The following RPS6KC1 variants were observed in gnomAD, a reference collection of about 807,000 sequenced individuals.
The protein encoded by RPS6KC1 is ribosomal protein S6 kinase C1.
RPS6KC1 carries 54 observed loss-of-function variants against 103.8 expected under a neutral mutation model. The ratio of observed to expected loss-of-function variants is 0.52; its 90% CI spans 0.42 to 0.65. The LOEUF (loss-of-function observed/expected upper bound fraction) is 0.65. Ranked by LOEUF, RPS6KC1 falls within the 30% of genes least tolerant of loss-of-function variation. The pLI, the probability that RPS6KC1 is intolerant of heterozygous loss-of-function variation, is 0.00. For missense variants in RPS6KC1, 1,151 were observed against 1,253.8 expected (o/e 0.92, Z 1.24); for synonymous variants, 439 against 438.7 (o/e 1.00, Z -0.01).
the RPS6KC1 span, among the ~76,000 whole-genome samples, chr1:213,591,252 C>T: frequency 6.6e-6 from 1 of 152,250 alleles, no homozygotes; most frequent in Non-Finnish European, 1.5e-5. Flanking sequence ...AGCAGCCTTA[C>T]TACCTCCTGA....
the RPS6KC1 span, among the ~76,000 whole-genome samples, chr1:213,498,806 G>T: frequency 2.8e-5 from 4 of 140,674 alleles, no homozygotes; most frequent in African/African-American, 1.1e-4. Context: ...TTGAGATGGA[G>T]TCTTGCTCTG....
chr1:213,562,217 A>G, the RPS6KC1 span, among the ~76,000 whole-genome samples: 179 of 152,228 alleles, frequency 1.2e-3, 1 homozygote, highest in African/African-American at 4.1e-3. Context: ...ATTTATTTGT[A>G]TAATGGTCAG....
the RPS6KC1 span, among the ~76,000 whole-genome samples, chr1:213,513,680 C>A: frequency 6.6e-6 from 1 of 152,166 alleles, no homozygotes; most frequent in African/African-American, 2.4e-5. Flanking sequence ...TGAATGCCTG[C>A]CATGCACAGC....
the RPS6KC1 span, among the ~76,000 whole-genome samples, chr1:213,496,478 C>A: frequency 6.6e-6 from 1 of 152,136 alleles, no homozygotes; most frequent in African/African-American, 2.4e-5. Flanking sequence ...TACTTTCAGG[C>A]CAGGCATGGT....
chr1:213,607,236 T>G, the RPS6KC1 span, among the ~76,000 whole-genome samples: 1 of 152,214 alleles, frequency 6.6e-6, no homozygotes, highest in East Asian at 1.9e-4. Context: ...AAGCACAATT[T>G]CAGTAAGAGT....
chr1:213,703,741 C>A, the RPS6KC1 span, among the ~76,000 whole-genome samples: 1 of 152,112 alleles, frequency 6.6e-6, no homozygotes, highest in Admixed American at 6.5e-5. Flanking sequence ...TCTCTTGCTG[C>A]TTTTAGGATG....
At chr1:213,097,776 AG>A (rs2148713244) in intron 3 of RPS6KC1, among the ~76,000 whole-genome samples, 1 of 152,374 alleles carries the variant, frequency 6.6e-6, no homozygotes, top group Admixed American at 6.5e-5. Flanking sequence ...TCTACAGATC[AG>A]CCCTTGCTGC....
chr1:213,283,818 G>C, the RPS6KC1 span, among the ~76,000 whole-genome samples: 1 of 152,242 alleles, frequency 6.6e-6, no homozygotes, highest in East Asian at 1.9e-4. Context: ...CAGAAAGCAA[G>C]ATGTCATGCT....
the RPS6KC1 span, among the ~76,000 whole-genome samples, chr1:213,515,718 T>C: frequency 1.3e-5 from 2 of 152,306 alleles, no homozygotes; most frequent in African/African-American, 4.8e-5. Context: ...TGCGGGCTCT[T>C]TTTTGATTCC....
chr1:213,428,286 A>C, the RPS6KC1 span, among the ~76,000 whole-genome samples: 1 of 152,176 alleles, frequency 6.6e-6, no homozygotes, highest in Non-Finnish European at 1.5e-5. Flanking sequence ...GGCCTATAGC[A>C]ATCATCTTTT....
intron 6 of RPS6KC1, among the ~76,000 whole-genome samples, chr1:213,163,891 T>G (rs2090720173): frequency 6.6e-6 from 1 of 152,238 alleles, no homozygotes; most frequent in South Asian, 2.1e-4. Context: ...AACAGGCACC[T>G]TTCTCAAATT....
At chr1:213,609,339 C>T in the RPS6KC1 span, among the ~76,000 whole-genome samples, 1 of 152,220 alleles carries the variant, frequency 6.6e-6, no homozygotes, top group Non-Finnish European at 1.5e-5. Flanking sequence ...GACCTGACCT[C>T]TGGCCTTGGC....
chr1:213,387,649 T>A, the RPS6KC1 span, among the ~76,000 whole-genome samples: 1 of 152,210 alleles, frequency 6.6e-6, no homozygotes, highest in African/African-American at 2.4e-5. Flanking sequence ...AAATTTAGTG[T>A]TTGACTTTCT....
the RPS6KC1 span, among the ~76,000 whole-genome samples, chr1:213,485,130 T>TG: frequency 6.6e-6 from 1 of 152,194 alleles, no homozygotes. Flanking sequence ...CCTCCCAAAG[T>TG]GCTGGGCTTA....
chr1:213,580,866 G>A, the RPS6KC1 span, among the ~76,000 whole-genome samples: 1 of 151,952 alleles, frequency 6.6e-6, no homozygotes, highest in African/African-American at 2.4e-5. Flanking sequence ...TATAGTGTAA[G>A]GGTCACTTTC....
At chr1:213,212,119 T>C (rs970859828) in intron 8 of RPS6KC1, among the ~76,000 whole-genome samples, 1 of 152,178 alleles carries the variant, frequency 6.6e-6, no homozygotes, top group Non-Finnish European at 1.5e-5. Context: ...ATTAAGATCA[T>C]TCTTGGTGTT....
At chr1:213,236,379 G>A (rs2094221462) in intron 10 of RPS6KC1, among the ~76,000 whole-genome samples, 1 of 152,154 alleles carries the variant, frequency 6.6e-6, no homozygotes, top group African/African-American at 2.4e-5. Context: ...AAATAATGGA[G>A]TTTCCATTTG....
chr1:213,660,765 G>C, the RPS6KC1 span, among the ~76,000 whole-genome samples: 2 of 149,462 alleles, frequency 1.3e-5, no homozygotes, highest in Non-Finnish European at 3.0e-5. Context: ...AAAAATGGCA[G>C]AGTAGTTTTG....
At chr1:213,349,580 A>G in the RPS6KC1 span, among the ~76,000 whole-genome samples, 1 of 152,206 alleles carries the variant, frequency 6.6e-6, no homozygotes, top group African/African-American at 2.4e-5. Context: ...TCAGACACTT[A>G]GGAGGATCAT....
Sources: gnomAD v4.1 joint callset for allele counts (sites outside exome capture counted in the v4.1 genomes callset) on GRCh38, gnomAD v4.1.1 for gene constraint, MANE v1.5 for transcripts, NCBI Gene and HGNC (gene_info 2026-07-23, HGNC 2026-07-21) for gene names.